The following USP7 variants were observed in gnomAD, a reference collection of about 807,000 sequenced individuals.
The protein encoded by USP7 is ubiquitin C-terminal hydrolase 7.
In USP7, 9 loss-of-function variants were observed where a neutral mutation model predicts 162.9. The ratio of observed to expected loss-of-function variants is 0.06; its 90% CI spans 0.03 to 0.10. The LOEUF (loss-of-function observed/expected upper bound fraction) is 0.10, where lower values mean the gene tolerates loss of function less well. Among genes scored for constraint, USP7 ranks in the 10% least tolerant of loss-of-function variants. The pLI is 1.00. For missense variants in USP7, 715 were observed against 1,373.7 expected, an observed-to-expected ratio of 0.52 and a Z score of 7.58; for synonymous variants, 562 against 475.9, an observed-to-expected ratio of 1.18 and a Z score of -2.35.
In USP7 at chr16:8,892,938, C is replaced by G. The variant is rs1236768387; in HGVS notation, c.*1060G>C. ...TGATTCTATTTTACTGCACTCAAAA[C>G]TAGACACGCAGCTGGCATTAGCTCC... On this transcript the variant is annotated 3_prime_UTR_variant, in exon 31 of 31. Transcript: ENST00000344836. 1 of 152,116 alleles carries G rather than the reference C, an allele frequency of 6.6e-6. No individual in the cohort carries two copies. Among genetic ancestry groups the G allele is most frequent in the South Asian group, 2.1e-4 (1 of 4,822 alleles). 9.4% of individuals were successfully genotyped at this position (152,116 alleles called of 1,614,324 possible).
intron 2 of USP7, among the ~76,000 whole-genome samples, chr16:8,924,745 T>C (rs1402089105): frequency 6.6e-6 from 1 of 152,246 alleles, no homozygotes; most frequent in African/African-American, 2.4e-5. Context: ...TAAGAAAACA[T>C]GTCCATCAGT....
At chr16:8,957,805 C>T (rs775192097) in intron 1 of USP7, among the ~76,000 whole-genome samples, 2 of 151,524 alleles carry the variant, frequency 1.3e-5, no homozygotes, top group African/African-American at 2.4e-5. Flanking sequence ...AAAACGATAA[C>T]AAAAATAGAC....
At chr16:8,908,486 C>A (rs1364349347) in intron 11 of USP7, 36 bp from the exon 12 acceptor site, 1 of 1,554,740 alleles carries the variant, frequency 6.4e-7, no homozygotes, top group East Asian at 2.3e-5. Flanking sequence ...TGTAGTTAGC[C>A]TCTACTTACT....
chr16:8,916,159 G>T (rs1466561039), intron 8 of USP7, among the ~76,000 whole-genome samples: 1 of 152,170 alleles, frequency 6.6e-6, no homozygotes, highest in Non-Finnish European at 1.5e-5. Flanking sequence ...AACAACAGAA[G>T]TCACCACTGT....
chr16:8,922,402 C>T (rs897146434), intron 3 of USP7, among the ~76,000 whole-genome samples: 3 of 152,194 alleles, frequency 2.0e-5, no homozygotes, highest in African/African-American at 7.2e-5. Flanking sequence ...GCAGGAGAAT[C>T]GCTTGAACCC....
At chr16:8,960,816 T>C (rs1355533380) in intron 1 of USP7, among the ~76,000 whole-genome samples, 1 of 152,186 alleles carries the variant, frequency 6.6e-6, no homozygotes, top group Non-Finnish European at 1.5e-5. Flanking sequence ...ATTTCAGGAT[T>C]GGGAAGGCTG....
At chr16:8,935,171 A>G (rs1898622338) in intron 1 of USP7, among the ~76,000 whole-genome samples, 1 of 149,888 alleles carries the variant, frequency 6.7e-6, no homozygotes, top group South Asian at 2.1e-4. Flanking sequence ...ATGGGGACTG[A>G]TTTGGCCAAA....
At chr16:8,944,470 T>A (rs1596407750) in intron 1 of USP7, among the ~76,000 whole-genome samples, 1 of 152,294 alleles carries the variant, frequency 6.6e-6, no homozygotes, top group Middle Eastern at 3.4e-3. Flanking sequence ...ACAAGCCAGT[T>A]TGGGGACTGG....
In USP7 at chr16:8,895,822, T is replaced by G. The variant is rs142915916; in HGVS notation, c.2820-81A>C. The G allele has an allele frequency of 4.5e-4, 436 of 961,654 alleles. No individual in the cohort carries two copies. The African/African-American group carries it at 5.8e-3, about 13-fold the overall frequency. The allele number at this position is 961,654 out of a possible 1,614,324, so 59.6% of individuals were successfully genotyped here. On this transcript the variant is annotated intron_variant, in intron 26 of 30. Transcript: ENST00000344836. ...AATAAAATGGTTTTCTAGAAAGAAA[T>G]AAAGTTACCACGATATGTTTTTTTT...
intron 1 of USP7, among the ~76,000 whole-genome samples, chr16:8,951,800 A>G (rs1899566576): frequency 6.6e-6 from 1 of 152,206 alleles, no homozygotes; most frequent in South Asian, 2.1e-4. Context: ...TCAGCTCAGG[A>G]TCTCATTAAA....
chr16:8,941,516 T>C (rs1056764041), intron 1 of USP7, among the ~76,000 whole-genome samples: 2 of 152,230 alleles, frequency 1.3e-5, no homozygotes, highest in South Asian at 4.1e-4. Context: ...TCAACCGACA[T>C]GTCCAGTAAC....
intron 3 of USP7, 74 bp from the exon 4 acceptor site, chr16:8,921,369 A>T: frequency 6.6e-7 from 1 of 1,518,202 alleles, no homozygotes; most frequent in Non-Finnish European, 8.9e-7. Context: ...GACAGTAAAC[A>T]TAGCACACCA....
intron 1 of USP7, among the ~76,000 whole-genome samples, chr16:8,943,202 T>C (rs1209458144): frequency 1.3e-5 from 2 of 152,158 alleles, no homozygotes; most frequent in African/African-American, 4.8e-5. Flanking sequence ...AAATCATCTG[T>C]TCCCTAGAGA....
At chr16:8,921,572 AT>A (rs1897691851) in intron 3 of USP7, among the ~76,000 whole-genome samples, 1 of 152,202 alleles carries the variant, frequency 6.6e-6, no homozygotes, top group Non-Finnish European at 1.5e-5. Flanking sequence ...TATCTATACA[AT>A]TTTGACCTCT....
chr16:8,944,140 C>T (rs1224902743), intron 1 of USP7, among the ~76,000 whole-genome samples: 1 of 152,122 alleles, frequency 6.6e-6, no homozygotes, highest in Non-Finnish European at 1.5e-5. Flanking sequence ...CAGAAACTCT[C>T]CTTCTTGCCT....
At chr16:8,947,354 C>G (rs183146192) in intron 1 of USP7, among the ~76,000 whole-genome samples, 17 of 151,162 alleles carry the variant, frequency 1.1e-4, no homozygotes, top group South Asian at 6.3e-4. Context: ...ACTCCCCCCC[C>G]CAACACACAC....
chr16:8,930,466 A>C, intron 1 of USP7, 69 bp from the exon 2 acceptor site: 1 of 1,122,226 alleles, frequency 8.9e-7, no homozygotes, highest in Non-Finnish European at 1.3e-6. Context: ...CAAAATATAA[A>C]CTTATACTTT....
intron 30 of USP7, 61 bp from the exon 31 acceptor site, chr16:8,894,165 G>T (rs1567203003): frequency 3.4e-6 from 5 of 1,480,584 alleles, no homozygotes; most frequent in Non-Finnish European, 4.7e-6. Flanking sequence ...CCTCAGCGGG[G>T]TGGTGGCCAG....
intron 20 of USP7, 112 bp from the exon 21 acceptor site, chr16:8,900,742 T>C (rs1596354326): frequency 1.3e-6 from 1 of 795,210 alleles, no homozygotes; most frequent in East Asian, 2.7e-5. Context: ...CTATCCACCT[T>C]TTAAGTTAAA....
Sources: allele counts gnomAD v4.1 joint callset (sites outside exome capture counted in the v4.1 genomes callset), GRCh38; gene constraint gnomAD v4.1.1; transcripts MANE v1.5; gene names NCBI Gene and HGNC (gene_info 2026-07-23, HGNC 2026-07-21).